The following TXNRD1 variants were observed in gnomAD, a reference collection of about 807,000 sequenced individuals.
The protein encoded by TXNRD1 is thioredoxin reductase 1.
A neutral mutation model predicts 80.3 loss-of-function variants in TXNRD1; 57 were observed. The ratio of observed to expected loss-of-function variants is 0.71; its 90% CI spans 0.57 to 0.89. TXNRD1 has a LOEUF of 0.89. Ranked by LOEUF, TXNRD1 falls within the 40% of genes least tolerant of loss-of-function variation. The pLI is 0.00. For synonymous variants in TXNRD1, 291 were observed against 285.2 expected (o/e 1.02, Z -0.20); for missense variants, 730 against 803.0 (o/e 0.91, Z 1.10).
chr12:104,300,152 C>T (rs1339162620), intron 4 of TXNRD1, among the ~76,000 whole-genome samples: 3 of 152,114 alleles, frequency 2.0e-5, no homozygotes, highest in Non-Finnish European at 4.4e-5. Flanking sequence ...CACCCTATCA[C>T]GTTTGTGTTG....
At chr12:104,296,144 T>C (rs1218304865) in intron 4 of TXNRD1, among the ~76,000 whole-genome samples, 1 of 152,222 alleles carries the variant, frequency 6.6e-6, no homozygotes, top group African/African-American at 2.4e-5. Context: ...TCTCATGTAC[T>C]CATACTTCTG....
intron 5 of TXNRD1, among the ~76,000 whole-genome samples, chr12:104,312,996 C>T (rs1452978674): frequency 2.0e-5 from 3 of 152,070 alleles, no homozygotes; most frequent in African/African-American, 7.2e-5. Context: ...CTAAGGTTTC[C>T]AGCTGATTCT....
chr12:104,278,617 TC>T (rs1408426120), intron 3 of TXNRD1, among the ~76,000 whole-genome samples: 2 of 151,040 alleles, frequency 1.3e-5, no homozygotes, highest in African/African-American at 4.9e-5. Context: ...TTCTCCTGCC[TC>T]AGCCTCCTGA....
At chr12:104,271,378 CGTG>C (rs1236025880) in intron 3 of TXNRD1, among the ~76,000 whole-genome samples, 1 of 151,816 alleles carries the variant, frequency 6.6e-6, no homozygotes, top group Non-Finnish European at 1.5e-5. Context: ...GGGGTTTCAC[CGTG>C]TTAGCCAGGA....
intron 1 of TXNRD1, among the ~76,000 whole-genome samples, chr12:104,228,755 T>A (rs1328818463): frequency 6.6e-6 from 1 of 152,166 alleles, no homozygotes; most frequent in Non-Finnish European, 1.5e-5. Context: ...AGTCTCGCTC[T>A]GTTGCCCAGG....
chr12:104,231,713 A>G (rs1329161597), intron 1 of TXNRD1, among the ~76,000 whole-genome samples: 2 of 152,194 alleles, frequency 1.3e-5, no homozygotes, highest in Admixed American at 1.3e-4. Flanking sequence ...TTTCCCAAAC[A>G]AAGAAACCTC....
intron 4 of TXNRD1, chr12:104,291,061 G>A (rs117295753): frequency 0.04 from 27,180 of 685,570 alleles, 842 homozygotes; most frequent in South Asian, 0.1. Context: ...ATCCGGCCTC[G>A]GCCTCCTAAA....
chr12:104,292,786 T>C (rs942602833), intron 4 of TXNRD1, among the ~76,000 whole-genome samples: 1 of 152,190 alleles, frequency 6.6e-6, no homozygotes, highest in African/African-American at 2.4e-5. Context: ...TTATTGTACA[T>C]AGGGTAGTTT....
chr12:104,327,041 A>G (rs1430679188), intron 12 of TXNRD1, among the ~76,000 whole-genome samples: 1 of 151,044 alleles, frequency 6.6e-6, no homozygotes, highest in Non-Finnish European at 1.5e-5. Flanking sequence ...GCCTCTAGTG[A>G]TCTACCCACA....
At chr12:104,242,547 TAA>T (rs375560938) in intron 1 of TXNRD1, among the ~76,000 whole-genome samples, 4 of 143,110 alleles carry the variant, frequency 2.8e-5, no homozygotes, top group South Asian at 2.2e-4. Context: ...AAACTCCGTC[TAA>T]AAAAAAAAAA....
intron 15 of TXNRD1, among the ~76,000 whole-genome samples, chr12:104,336,006 T>C (rs1446609958): frequency 6.6e-6 from 1 of 152,110 alleles, no homozygotes; most frequent in South Asian, 2.1e-4. Flanking sequence ...TATAGTTGTC[T>C]TTTTCTTTTT....
intron 2 of TXNRD1, among the ~76,000 whole-genome samples, chr12:104,255,283 T>C (rs866080259): frequency 6.6e-6 from 1 of 152,060 alleles, no homozygotes; most frequent in African/African-American, 2.4e-5. Context: ...CATTGTTCTT[T>C]TTTTCTTTTC....
At chr12:104,262,846 G>T (rs2033398057) in intron 3 of TXNRD1, among the ~76,000 whole-genome samples, 1 of 150,648 alleles carries the variant, frequency 6.6e-6, no homozygotes, top group Non-Finnish European at 1.5e-5. Flanking sequence ...CCTGTGTACT[G>T]CCTAACTGGA....
At chr12:104,283,213 A>G (rs1032841872) in intron 3 of TXNRD1, among the ~76,000 whole-genome samples, 25 of 151,942 alleles carry the variant, frequency 1.6e-4, no homozygotes, top group African/African-American at 2.2e-4. Flanking sequence ...ATGTACAACA[A>G]TCATTTCCTT....
intron 1 of TXNRD1, among the ~76,000 whole-genome samples, chr12:104,217,826 A>G (rs1405611332): frequency 1.3e-5 from 2 of 152,132 alleles, no homozygotes; most frequent in East Asian, 3.8e-4. Context: ...ATAAGTTGGT[A>G]TCATACAGTG....
At chr12:104,303,871 G>A in intron 4 of TXNRD1, 2 of 1,482,784 alleles carry the variant, frequency 1.3e-6, no homozygotes, top group Non-Finnish European at 1.8e-6. Context: ...AAGGAGAGGA[G>A]CAGCTCGTGA....
chr12:104,313,188 C>A, intron 5 of TXNRD1, 57 bp from the exon 6 acceptor site: 1 of 1,376,320 alleles, frequency 7.3e-7, no homozygotes, highest in Non-Finnish European at 1.0e-6. Context: ...TTTAACAGCC[C>A]ATTTCCAATC....
intron 16 of TXNRD1, among the ~76,000 whole-genome samples, chr12:104,345,798 C>A (rs551129497): frequency 6.6e-6 from 1 of 152,244 alleles, no homozygotes; most frequent in South Asian, 2.1e-4. Flanking sequence ...TATAATCCCA[C>A]TCTAAAGTGA....
chr12:104,287,522 G>C (rs186062313), intron 3 of TXNRD1: 103 of 1,588,608 alleles, frequency 6.5e-5, no homozygotes, highest in Admixed American at 4.3e-4. Flanking sequence ...TATTAAGAAA[G>C]TATAACTATG....
Sources: allele counts gnomAD v4.1 joint callset (sites outside exome capture counted in the v4.1 genomes callset), GRCh38; gene constraint gnomAD v4.1.1; transcripts MANE v1.5; gene names NCBI Gene and HGNC (gene_info 2026-07-23, HGNC 2026-07-21).